Variants in SIMC1 observed in about 807,000 individuals in gnomAD.
SIMC1 encodes SUMO-interacting motif-containing protein 1.
Under a neutral mutation model 82.3 loss-of-function variants are expected in SIMC1, and 55 were observed. The ratio of observed to expected loss-of-function variants is 0.67; its 90% CI spans 0.54 to 0.84. SIMC1 has a LOEUF of 0.84. Among genes scored for constraint, SIMC1 ranks in the 40% least tolerant of loss-of-function variants. The pLI, the probability that SIMC1 is intolerant of heterozygous loss-of-function variation, is 0.00. For synonymous variants in SIMC1, 353 were observed against 426.3 expected (o/e 0.83, Z 2.12); for missense variants, 915 against 1,107.2 (o/e 0.83, Z 2.46).
At chr5:176,289,050 G>T (rs1229391632) in intron 1 of SIMC1, among the ~76,000 whole-genome samples, 2 of 152,098 alleles carry the variant, frequency 1.3e-5, no homozygotes, top group African/African-American at 4.8e-5. Context: ...ATTACACATT[G>T]AATCAAGTTG....
rs2113263265 is a variant in SIMC1 at position 176,290,736 on chromosome 5, C to G, written c.1212C>G (p.Pro404=). 4 of 1,613,622 alleles carry G rather than the reference C, an allele frequency of 2.5e-6. No homozygotes were observed. Among genetic ancestry groups the G allele is most frequent in the Non-Finnish European group, 1.7e-6 (2 of 1,179,704 alleles). Residue 404 remains proline (P), a synonymous_variant, in exon 2 of 10, where the codon CCC becomes CCG. Transcript: ENST00000429602. ...SCSPSPQSET[P]LEKVPWLSVM... Reference sequence around the variant, plus strand: ...CTCCCAGCCCACAGTCTGAAACTCCCTTAGAGAAAGTTCCTTGGCTCTCTG... The same window carrying G: ...CTCCCAGCCCACAGTCTGAAACTCCGTTAGAGAAAGTTCCTTGGCTCTCTG...
intron 1 of SIMC1, among the ~76,000 whole-genome samples, chr5:176,257,420 A>G (rs1761882176): frequency 6.6e-6 from 1 of 152,178 alleles, no homozygotes; most frequent in African/African-American, 2.4e-5. Context: ...GCATCTGTTC[A>G]CCTTCTGATG....
Position 176,342,130 on chromosome 5 carries a change from T to G in SIMC1, c.2414-3053T>G, listed in dbSNP as rs1001555987. Reference sequence around the variant, plus strand: ...CCCTGTCCCACCCTATTCAGTCAACTTTTTTTCCACTTCTTTCAAAATCAT... The same window carrying G: ...CCCTGTCCCACCCTATTCAGTCAACGTTTTTTCCACTTCTTTCAAAATCAT... On this transcript the variant is annotated intron_variant, in intron 9 of 9. Coordinates refer to ENST00000429602, the MANE Select transcript of SIMC1 (RefSeq NM_001308195.2). Among the ~76,000 whole-genome samples, 3 of 152,206 alleles carry G rather than the reference T, an allele frequency of 2.0e-5. No homozygotes were observed. The South Asian group carries it at 6.2e-4, about 32-fold the overall frequency.
At chr5:176,277,833 G>C (rs79808887) in intron 1 of SIMC1, among the ~76,000 whole-genome samples, 1 of 151,700 alleles carries the variant, frequency 6.6e-6, no homozygotes, top group Admixed American at 6.6e-5. Context: ...CCAGTACCAT[G>C]CTGTTTTGGT....
intron 2 of SIMC1, among the ~76,000 whole-genome samples, chr5:176,291,159 CTTTTTTTTT>C (rs1173030195): frequency 1.1e-5 from 1 of 88,502 alleles, no homozygotes; most frequent in Non-Finnish European, 2.1e-5. Context: ...TGTCACTTTA[CTTTTTTTTT>C]TTTTTTTTTT....
chr5:176,265,812 ATAAAT>A (rs1762187278), intron 1 of SIMC1, among the ~76,000 whole-genome samples: 1 of 152,078 alleles, frequency 6.6e-6, no homozygotes, highest in Non-Finnish European at 1.5e-5. Context: ...TGAAATGAGA[ATAAAT>A]TAACAAATAT....
At chr5:176,316,900 T>C (rs1354210958) in intron 5 of SIMC1, among the ~76,000 whole-genome samples, 1 of 152,108 alleles carries the variant, frequency 6.6e-6, no homozygotes, top group Middle Eastern at 3.4e-3. Flanking sequence ...GGCATGAGAA[T>C]CATTTGAACC....
intron 1 of SIMC1, among the ~76,000 whole-genome samples, chr5:176,268,493 C>T (rs1392306173): frequency 7.0e-6 from 1 of 143,648 alleles, no homozygotes; most frequent in Admixed American, 7.1e-5. Context: ...AGAAATATAC[C>T]ATGCAAATAG....
In SIMC1 at chr5:176,304,896, C is replaced by G. The variant is rs768242635; in HGVS notation, c.1734+8576C>G. Among the ~76,000 whole-genome samples the G allele has an allele frequency of 3.9e-3, 542 of 140,384 alleles. 2 individuals are homozygous for G. Among genetic ancestry groups the G allele is most frequent in the Admixed American group, 4.7e-3 (67 of 14,268 alleles). 92.1% of individuals were successfully genotyped at this position (140,384 alleles called of 152,430 possible). A position where few individuals can be genotyped will look rare whatever the true frequency, so the allele number is the denominator to read the frequency against. On this transcript the variant is annotated intron_variant, in intron 4 of 9. Transcript: ENST00000429602. The stretch of plus-strand genomic sequence containing the variant: ...GGCCGAGACCCCGTCTGGGAGGTGA[C>G]GAGCGTCTCTGCCCGGCCGCCCCGT...
intron 5 of SIMC1, among the ~76,000 whole-genome samples, chr5:176,319,171 TTCCC>T (rs1297027256): frequency 2.6e-5 from 4 of 152,174 alleles, no homozygotes; most frequent in Non-Finnish European, 4.4e-5. Flanking sequence ...GCCCTGGTTT[TTCCC>T]TGTGGAAGTT....
chr5:176,256,117 A>G (rs921869733), intron 1 of SIMC1, among the ~76,000 whole-genome samples: 4 of 152,322 alleles, frequency 2.6e-5, no homozygotes, highest in Middle Eastern at 6.8e-3. Flanking sequence ...TAAAACTGAT[A>G]TTAGAGAAAG....
At chr5:176,276,203 G>A (rs1384808141) in intron 1 of SIMC1, among the ~76,000 whole-genome samples, 1 of 151,642 alleles carries the variant, frequency 6.6e-6, no homozygotes, top group Non-Finnish European at 1.5e-5. Context: ...AGTCTTAGGA[G>A]GGTGTATTTT....
chr5:176,273,784 T>C (rs1191499415), intron 1 of SIMC1, among the ~76,000 whole-genome samples: 1 of 152,206 alleles, frequency 6.6e-6, no homozygotes, highest in Non-Finnish European at 1.5e-5. Flanking sequence ...GATAGTTTAC[T>C]GAGAATGATG....
intron 1 of SIMC1, among the ~76,000 whole-genome samples, chr5:176,274,428 G>C (rs1457969709): frequency 1.3e-5 from 2 of 151,716 alleles, no homozygotes; most frequent in African/African-American, 4.8e-5. Context: ...TGAGTAGGTT[G>C]CAAAAATTTT....
intron 9 of SIMC1, among the ~76,000 whole-genome samples, chr5:176,337,618 T>A (rs1765963146): frequency 2.6e-5 from 4 of 151,954 alleles, no homozygotes; most frequent in Admixed American, 2.6e-4. Flanking sequence ...AAAAGAGAAG[T>A]CATCAGAACC....
At chr5:176,292,978 GT>G (rs1763649682) in intron 2 of SIMC1, among the ~76,000 whole-genome samples, 2 of 152,142 alleles carry the variant, frequency 1.3e-5, no homozygotes, top group African/African-American at 4.8e-5. Context: ...GGGAGTAGGG[GT>G]TGAGAGAATG....
chr5:176,336,721 G>A lies in SIMC1; in HGVS notation c.2173G>A (p.Glu725Lys), dbSNP rs1765911620. The part of the protein sequence containing the change: ...VLDIPERSQR[E>K]MFFTTMESHL... ...TCCCTCTTCCTCTTCTCCACACAGA[G>A]AAATGTTCTTTACTACCATGGAAAG... is the stretch of plus-strand genomic sequence containing the variant. The change falls in exon 8 of 10, where the codon GAA becomes AAA. Residue 725 changes from glutamate to lysine, a missense_variant and splice_region_variant. Physicochemically the swap from Glu to Lys is moderately conservative, Grantham distance 56 (BLOSUM62 1). Around this residue, in one of 2 missense-constraint regions of SIMC1, gnomAD observed 902 missense variants for 1,040.3 expected, o/e 0.87. Coordinates refer to ENST00000429602, the MANE Select transcript of SIMC1 (RefSeq NM_001308195.2). 1 of 1,613,734 alleles carries A rather than the reference G, an allele frequency of 6.2e-7. No homozygotes were observed. The highest frequency in any genetic ancestry group is 8.5e-7 in the Non-Finnish European group (1 of 1,179,852).
rs528560879 is a variant in SIMC1 at position 176,252,918 on chromosome 5, A to G, written c.129+14281A>G. 3.7e-3 allele frequency among the ~76,000 whole-genome samples: 562 copies of G among 152,290 alleles called. 3 individuals are homozygous for G. Among genetic ancestry groups the G allele is most frequent in the African/African-American group, 0.013 (534 of 41,566 alleles). On this transcript the variant is annotated intron_variant, in intron 1 of 9. Coordinates refer to ENST00000429602, the MANE Select transcript of SIMC1 (RefSeq NM_001308195.2). The stretch of plus-strand genomic sequence containing the variant: ...CTCGGGAGGCTGAGGCTGGCAGATC[A>G]CTCGCGGTTAGGAGCTGGAGACCAG...
chr5:176,292,267 TA>T (rs1763613801), intron 2 of SIMC1, among the ~76,000 whole-genome samples: 1 of 152,162 alleles, frequency 6.6e-6, no homozygotes, highest in Non-Finnish European at 1.5e-5. Flanking sequence ...AGAAGTAAAC[TA>T]GATGTGTTAG....
Sources: gnomAD v4.1 joint callset for allele counts (sites outside exome capture counted in the v4.1 genomes callset) on GRCh38, gnomAD v4.1.1 for gene constraint, gnomAD v4.1.1 regional missense constraint, MANE v1.5 for transcripts, NCBI Gene and HGNC (gene_info 2026-07-23, HGNC 2026-07-21) for gene names.